The following USP10 variants were observed in gnomAD, a reference collection of about 807,000 sequenced individuals.
USP10 encodes ubiquitin carboxyl-terminal hydrolase 10.
USP10 carries 22 observed loss-of-function variants against 84.5 expected under a neutral mutation model. The observed-to-expected ratio is 0.26, with a 90% CI of 0.19 to 0.37. USP10 has a LOEUF of 0.37. USP10 is among the 10% of genes least tolerant of loss of function. The pLI, the probability that USP10 is intolerant of heterozygous loss-of-function variation, is 1.00. For synonymous variants in USP10, 454 were observed against 387.6 expected (o/e 1.17, Z -2.01); for missense variants, 1,019 against 998.9 (o/e 1.02, Z -0.27).
chr16:84,706,835 G>C (rs1355163503), intron 1 of USP10, among the ~76,000 whole-genome samples: 3 of 151,720 alleles, frequency 2.0e-5, no homozygotes, highest in African/African-American at 7.3e-5. Context: ...CCACCGCGCC[G>C]GGCCAAGACT....
At position 84,779,365 on chromosome 16, in the gene USP10, A is replaced by G. The variant is rs1266015972; in HGVS notation, c.*283A>G. 3.9e-6 allele frequency: 1 copy of G among 257,884 alleles called. No homozygotes were observed. Among genetic ancestry groups the G allele is most frequent in the Non-Finnish European group, 7.4e-6 (1 of 135,380 alleles). The allele number at this position is 257,884 out of a possible 1,614,324, so 16.0% of individuals were successfully genotyped here. A position where few individuals can be genotyped will look rare whatever the true frequency, so the allele number is the denominator to read the frequency against. On this transcript the variant is annotated 3_prime_UTR_variant, in exon 14 of 14. Transcript: ENST00000219473. ...ATAATGCTGATTCCTGAGATAAGAA[A>G]GTGGATTTGATCCCCAGTCTCATTG...
chr16:84,775,104 C>A, intron 12 of USP10, 56 bp from the exon 13 acceptor site: 1 of 1,502,168 alleles, frequency 6.7e-7, no homozygotes, highest in South Asian at 1.1e-5. Context: ...TTTTCTGCTG[C>A]TGTTACCCTG....
At chr16:84,766,989 T>A (rs1913936906) in intron 10 of USP10, among the ~76,000 whole-genome samples, 1 of 152,186 alleles carries the variant, frequency 6.6e-6, no homozygotes, top group South Asian at 2.1e-4. Flanking sequence ...ACAGGACCAC[T>A]GAATCAAGAG....
At chr16:84,732,815 G>A (rs553761022) in intron 1 of USP10, among the ~76,000 whole-genome samples, 5 of 152,298 alleles carry the variant, frequency 3.3e-5, no homozygotes, top group South Asian at 4.1e-4. Flanking sequence ...ACTCACATCC[G>A]TGCAGTTTAA....
At chr16:84,718,780 T>C (rs1475571020) in intron 1 of USP10, among the ~76,000 whole-genome samples, 1 of 151,696 alleles carries the variant, frequency 6.6e-6, no homozygotes, top group Non-Finnish European at 1.5e-5. Flanking sequence ...AAAGTTTTTC[T>C]TCTTTTAGTT....
In USP10 at chr16:84,712,565, C is replaced by A. The variant is rs1466258746; in HGVS notation, c.21+12454C>A. 2.0e-5 allele frequency among the ~76,000 whole-genome samples: 3 copies of A among 152,154 alleles called. No homozygotes were observed. In the East Asian group the frequency reaches 5.8e-4, roughly 29 times the overall value. On this transcript the variant is annotated intron_variant, in intron 1 of 13. Coordinates refer to ENST00000219473, the MANE Select transcript of USP10 (RefSeq NM_005153.3). ...CTGCTTATGGTTGTTTTTGGTGTTTCTATAATAGTTCTAGGCATGAAGTTC... is the reference window on the plus strand; with the variant it reads ...CTGCTTATGGTTGTTTTTGGTGTTTATATAATAGTTCTAGGCATGAAGTTC...
At chr16:84,736,849 C>T (rs1020045070) in intron 2 of USP10, among the ~76,000 whole-genome samples, 9 of 152,156 alleles carry the variant, frequency 5.9e-5, no homozygotes, top group African/African-American at 1.2e-4. Context: ...ACTGCAGGGG[C>T]GTGATCTCGG....
intron 10 of USP10, among the ~76,000 whole-genome samples, chr16:84,764,996 C>G (rs2150859558): frequency 6.8e-6 from 1 of 146,512 alleles, no homozygotes; most frequent in South Asian, 2.2e-4. Context: ...ATAAAACCAC[C>G]TCCGGGAGGC....
chr16:84,745,738 G>C, intron 4 of USP10, 65 bp downstream of exon 4: 1 of 1,493,128 alleles, frequency 6.7e-7, no homozygotes, highest in Non-Finnish European at 9.0e-7. Context: ...TGGGCTTATA[G>C]ACTGTGGTGT....
chr16:84,763,437 A>C (rs192423804), intron 9 of USP10, among the ~76,000 whole-genome samples: 1 of 152,346 alleles, frequency 6.6e-6, no homozygotes, highest in East Asian at 1.9e-4. Flanking sequence ...TTATCTGTCC[A>C]TCCATATATA....
chr16:84,759,272 G>A lies in USP10; in HGVS notation c.1285-91G>A. On this transcript the variant is annotated intron_variant, in intron 5 of 13. Coordinates refer to ENST00000219473, the MANE Select transcript of USP10 (RefSeq NM_005153.3). ...AGTTCAACGTCCTTAGCTTCCTTGT[G>A]TTTTTATAAACATTCTTGTGCTTCA... 2.4e-6 allele frequency: 3 copies of A among 1,246,666 alleles called. No individual in the cohort carries two copies. In the South Asian group the frequency reaches 3.7e-5, roughly 16 times the overall value. 77.2% of individuals were successfully genotyped at this position (1,246,666 alleles called of 1,614,324 possible).
rs768447974 is a variant in USP10, at chr16:84,779,102, T to C, written c.*20T>C. The stretch of plus-strand genomic sequence containing the variant: ...CTGTAAACCCTGTGTGCGCTGTGTG[T>C]GCGCCCAGTGCCCGCTTCGTAGGAC... On this transcript the variant is annotated 3_prime_UTR_variant, in exon 14 of 14. Coordinates refer to ENST00000219473, the MANE Select transcript of USP10 (RefSeq NM_005153.3). The C allele has an allele frequency of 7.5e-5, 120 of 1,598,610 alleles. No individual in the cohort carries two copies. Among genetic ancestry groups the C allele is most frequent in the Non-Finnish European group, 9.9e-5 (116 of 1,167,956 alleles).
chr16:84,746,422 AG>A (rs911434233), intron 4 of USP10, among the ~76,000 whole-genome samples: 3 of 152,244 alleles, frequency 2.0e-5, no homozygotes, highest in African/African-American at 7.2e-5. Context: ...ACACAAATAC[AG>A]GTGGTAGAGC....
intron 8 of USP10, among the ~76,000 whole-genome samples, chr16:84,762,075 T>G (rs1913272532): frequency 6.6e-6 from 1 of 152,268 alleles, no homozygotes; most frequent in Non-Finnish European, 1.5e-5. Flanking sequence ...AAATATGAAC[T>G]GATGATAAGT....
At chr16:84,714,911 C>T (rs1244727617) in intron 1 of USP10, among the ~76,000 whole-genome samples, 2 of 148,814 alleles carry the variant, frequency 1.3e-5, no homozygotes, top group Admixed American at 1.3e-4. Flanking sequence ...TTAAAAAGTT[C>T]TGATTATTAT....
At chr16:84,739,866 C>T (rs973053625) in intron 2 of USP10, among the ~76,000 whole-genome samples, 1 of 152,172 alleles carries the variant, frequency 6.6e-6, no homozygotes. Flanking sequence ...GGACCTGGTC[C>T]CAGCCTCTAC....
At chr16:84,738,099 G>GTGGTGGCTTT (rs71151243) in intron 2 of USP10, among the ~76,000 whole-genome samples, 1 of 151,628 alleles carries the variant, frequency 6.6e-6, no homozygotes, top group Non-Finnish European at 1.5e-5. Context: ...TCTCTGCCTT[G>GTGGTGGCTTT]TGAAGTGGAT....
intron 12 of USP10, 34 bp from the exon 13 acceptor site, chr16:84,775,126 A>G: frequency 6.2e-7 from 1 of 1,602,598 alleles, no homozygotes; most frequent in African/African-American, 1.3e-5. Flanking sequence ...ACCTTTCTAA[A>G]AGTGCTTCAA....
At chr16:84,720,044 G>C (rs559844209) in intron 1 of USP10, among the ~76,000 whole-genome samples, 7 of 152,310 alleles carry the variant, frequency 4.6e-5, no homozygotes, top group Non-Finnish European at 7.4e-5. Context: ...TGGAAGTTCT[G>C]TGCTTGATCT....
Sources: gnomAD v4.1 joint callset for allele counts (sites outside exome capture counted in the v4.1 genomes callset) on GRCh38, gnomAD v4.1.1 for gene constraint, MANE v1.5 for transcripts, NCBI Gene and HGNC (gene_info 2026-07-23, HGNC 2026-07-21) for gene names.